ZNF362: variants seen among roughly 807,000 people sequenced by gnomAD.
ZNF362 encodes the protein rotund homolog.
Under a neutral mutation model 42.9 loss-of-function variants are expected in ZNF362, and 11 were observed. The ratio of observed to expected loss-of-function variants is 0.26; its 90% CI spans 0.16 to 0.42. ZNF362 has a LOEUF of 0.42. Ranked by LOEUF, ZNF362 falls within the 20% of genes least tolerant of loss-of-function variation. The pLI is 1.00. For synonymous variants in ZNF362, 255 were observed against 257.3 expected, an observed-to-expected ratio of 0.99 and a Z score of 0.09; for missense variants, 362 against 576.2, an observed-to-expected ratio of 0.63 and a Z score of 3.81.
At chr1:33,168,374 T>C in the ZNF362 span, among the ~76,000 whole-genome samples, 1 of 133,486 alleles carries the variant, frequency 7.5e-6, no homozygotes, top group Non-Finnish European at 1.6e-5. Context: ...GGAAGCTGGC[T>C]GTCTGAGAAA....
rs555431765 is a variant in ZNF362, at chr1:33,286,389, C to CA, written c.908+4587dup. On this transcript the variant is annotated intron_variant, in intron 6 of 8. Coordinates refer to ENST00000539719, the MANE Select transcript of ZNF362 (RefSeq NM_152493.3). The stretch of plus-strand genomic sequence containing the variant: ...TAAAAATATTATTTGAGAACATGAC[C>CA]AAAAAAAAAGCAACAAAAAATTAAC... Among the ~76,000 whole-genome samples the CA allele has an allele frequency of 2.9e-4, 42 of 145,518 alleles. 1 individual carries two copies. The South Asian group carries it at 3.9e-3, about 13-fold the overall frequency.
At chr1:33,216,599 C>CAAAAAAAAAAAAAAA in the ZNF362 span, among the ~76,000 whole-genome samples, 3 of 71,900 alleles carry the variant, frequency 4.2e-5, no homozygotes, top group Non-Finnish European at 5.1e-5. Context: ...GACTCTGTCT[C>CAAAAAAAAAAAAAAA]AAAAAAAAAA....
At chr1:33,236,750 T>C in the ZNF362 span, among the ~76,000 whole-genome samples, 2 of 151,580 alleles carry the variant, frequency 1.3e-5, no homozygotes, top group African/African-American at 4.8e-5. Flanking sequence ...GTTAATTAGC[T>C]TTATTTAATC....
the ZNF362 span, among the ~76,000 whole-genome samples, chr1:33,237,160 T>A: frequency 3.3e-5 from 5 of 152,314 alleles, no homozygotes; most frequent in East Asian, 9.6e-4. Context: ...AATTTAAAAA[T>A]TTTTATTAAA....
At chr1:33,205,957 T>C in the ZNF362 span, among the ~76,000 whole-genome samples, 2 of 151,968 alleles carry the variant, frequency 1.3e-5, no homozygotes, top group Non-Finnish European at 2.9e-5. Flanking sequence ...AATAGATCAA[T>C]AGAACAGAGT....
At chr1:33,204,985 A>G in the ZNF362 span, among the ~76,000 whole-genome samples, 5 of 152,206 alleles carry the variant, frequency 3.3e-5, no homozygotes, top group Non-Finnish European at 7.4e-5. Context: ...ATTGAACACT[A>G]CAAAACATTG....
At chr1:33,236,550 A>AAAAATATATAT in the ZNF362 span, among the ~76,000 whole-genome samples, 5 of 5,980 alleles carry the variant, frequency 8.4e-4, 1 homozygote, top group African/African-American at 1.9e-3. Flanking sequence ...AAAAAAAAAA[A>AAAAATATATAT]ATATATATAT....
Position 33,280,552 on chromosome 1 carries a change from C to T in ZNF362, c.683+95C>T, listed in dbSNP as rs1010168023. On this transcript the variant is annotated intron_variant, in intron 5 of 8. Transcript: ENST00000539719. This position sits in a 1 kb window ranked among gnomAD's most constrained non-coding sequence, Gnocchi z 5.6. ...GCCCAGCAGCGGGGCTGAAACAGGACCCTTAGGGCTGAGGGGCAGGGCTAG... is the reference window on the plus strand; with the variant it reads ...GCCCAGCAGCGGGGCTGAAACAGGATCCTTAGGGCTGAGGGGCAGGGCTAG... The T allele has an allele frequency of 3.4e-5, 49 of 1,458,238 alleles. No homozygotes were observed. The East Asian group carries it at 3.5e-4, about 10-fold the overall frequency. The allele number at this position is 1,458,238 out of a possible 1,614,324, so 90.3% of individuals were successfully genotyped here. A position where few individuals can be genotyped will look rare whatever the true frequency, so the allele number is the denominator to read the frequency against.
chr1:33,263,744 A>G (rs914928221), intron 1 of ZNF362, among the ~76,000 whole-genome samples: 13 of 152,132 alleles, frequency 8.5e-5, no homozygotes, highest in Admixed American at 3.9e-4. Context: ...TTTGGTCACT[A>G]TGTTGACTGA....
At chr1:33,183,625 C>T in the ZNF362 span, among the ~76,000 whole-genome samples, 369 of 152,230 alleles carry the variant, frequency 2.4e-3, 1 homozygote, top group African/African-American at 7.3e-3. Context: ...TTGCCAGTGA[C>T]GGTTTGGGCA....
At chr1:33,199,199 A>G in the ZNF362 span, among the ~76,000 whole-genome samples, 51 of 152,312 alleles carry the variant, frequency 3.3e-4, no homozygotes, top group African/African-American at 1.2e-3. Flanking sequence ...CACAAGAAAC[A>G]TAAAGAAAAA....
upstream of ZNF362, among the ~76,000 whole-genome samples, chr1:33,253,486 G>A (rs574851971): frequency 6.6e-6 from 1 of 152,178 alleles, no homozygotes; most frequent in Admixed American, 6.5e-5. Context: ...AAAGTCCTCA[G>A]AAGTGAGATA....
the ZNF362 span, among the ~76,000 whole-genome samples, chr1:33,231,839 C>G: frequency 0.17 from 26,467 of 152,146 alleles, 2,634 homozygotes; most frequent in South Asian, 0.27. Context: ...ACTAAGGCAG[C>G]TTCTAAGGCT....
the ZNF362 span, among the ~76,000 whole-genome samples, chr1:33,151,012 G>A: frequency 6.6e-6 from 1 of 152,110 alleles, no homozygotes; most frequent in Non-Finnish European, 1.5e-5. Context: ...AAGGACTGGT[G>A]CGGGGCGGGG....
the ZNF362 span, among the ~76,000 whole-genome samples, chr1:33,218,171 G>A: frequency 6.6e-6 from 1 of 152,298 alleles, no homozygotes; most frequent in South Asian, 2.1e-4. Context: ...GCTGGGCATG[G>A]CAGCTTATGC....
the ZNF362 span, among the ~76,000 whole-genome samples, chr1:33,208,876 A>T: frequency 6.6e-6 from 1 of 152,178 alleles, no homozygotes; most frequent in Non-Finnish European, 1.5e-5. Flanking sequence ...AAACAGAGAC[A>T]ATTTGATTTC....
chr1:33,237,211 C>G, the ZNF362 span, among the ~76,000 whole-genome samples: 5 of 152,032 alleles, frequency 3.3e-5, no homozygotes, highest in Non-Finnish European at 7.4e-5. Flanking sequence ...TGACTCCTCC[C>G]CCTGCCATGG....
At chr1:33,138,598 C>T in the ZNF362 span, among the ~76,000 whole-genome samples, 6 of 137,764 alleles carry the variant, frequency 4.4e-5, no homozygotes, top group Admixed American at 8.1e-5. Flanking sequence ...GGTGACAGAG[C>T]GAGATCCTGT....
At chr1:33,274,184 C>T (rs1645925662) in intron 2 of ZNF362, among the ~76,000 whole-genome samples, 1 of 152,202 alleles carries the variant, frequency 6.6e-6, no homozygotes, top group South Asian at 2.1e-4. Context: ...ATGCGTCATT[C>T]CCCTGAATAC....
Sources: allele counts gnomAD v4.1 joint callset (sites outside exome capture counted in the v4.1 genomes callset), GRCh38; gene constraint gnomAD v4.1.1; non-coding constraint Gnocchi (gnomAD v3.1); transcripts MANE v1.5; gene names NCBI Gene and HGNC (gene_info 2026-07-23, HGNC 2026-07-21).